The following POLR1C variants were observed in gnomAD, a reference collection of about 807,000 sequenced individuals.
The protein encoded by POLR1C is DNA-directed RNA polymerases I and III subunit RPAC1.
POLR1C carries 42 observed loss-of-function variants against 38.3 expected under a neutral mutation model. The ratio of observed to expected loss-of-function variants is 1.10; its 90% CI spans 0.86 to 1.42. The LOEUF is 1.42. Ranked by LOEUF, POLR1C falls within the 40% of genes most tolerant of loss-of-function variation. The pLI, the probability that POLR1C is intolerant of heterozygous loss-of-function variation, is 0.00. For missense variants in POLR1C, 507 were observed against 450.5 expected, an observed-to-expected ratio of 1.13 and a Z score of -1.14; for synonymous variants, 163 against 163.9, an observed-to-expected ratio of 0.99 and a Z score of 0.04.
At chr6:43,535,092 A>G (rs1270421218) in intron 9 of POLR1C, among the ~76,000 whole-genome samples, 6 of 151,724 alleles carry the variant, frequency 4.0e-5, no homozygotes, top group African/African-American at 7.3e-5. Context: ...TGAGATCGAG[A>G]CTATCCTGGC....
downstream of POLR1C, among the ~76,000 whole-genome samples, chr6:43,534,457 G>C (rs117187824): frequency 1.2e-3 from 189 of 152,244 alleles, 4 homozygotes; most frequent in East Asian, 0.033. Context: ...ACAGCTGTTT[G>C]GACCTGATAG....
At chr6:43,534,716 G>C (rs1288745090) in intron 9 of POLR1C, among the ~76,000 whole-genome samples, 1 of 152,192 alleles carries the variant, frequency 6.6e-6, no homozygotes, top group African/African-American at 2.4e-5. Context: ...AGTCATTCTA[G>C]GCTGGGCTCG....
intron 9 of POLR1C, among the ~76,000 whole-genome samples, chr6:43,545,305 A>C (rs954530137): frequency 6.6e-6 from 1 of 152,146 alleles, no homozygotes; most frequent in Non-Finnish European, 1.5e-5. Flanking sequence ...TTCCCAGGAG[A>C]GTTTCACTGC....
chr6:43,549,348 G>A (rs971533208), intron 9 of POLR1C: 1 of 773,882 alleles, frequency 1.3e-6, no homozygotes, highest in Non-Finnish European at 2.0e-6. Context: ...ACAGGTGTGA[G>A]CCACCATGCC....
chr6:43,529,232 TCTC>T lies in POLR1C; in HGVS notation c.923-14_923-12del, dbSNP rs769945909. ...CTTGTAACAAACTCTCCTTCACCAT[TCTC>T]CTTATAATTTCAGGTAAGAAAGATT... On this transcript the variant is annotated splice_polypyrimidine_tract_variant and intron_variant, in intron 8 of 8. Coordinates refer to the POLR1C transcript ENST00000304004. The T allele has an allele frequency of 2.3e-5, 32 of 1,397,082 alleles. No individual in the cohort carries two copies. In the African/African-American group the frequency reaches 3.6e-4, roughly 16 times the overall value. The allele number at this position is 1,397,082 out of a possible 1,614,324, so 86.5% of individuals were successfully genotyped here. A position where few individuals can be genotyped will look rare whatever the true frequency, so the allele number is the denominator to read the frequency against.
downstream of POLR1C, chr6:43,533,841 A>G: frequency 7.9e-7 from 1 of 1,271,762 alleles, no homozygotes; most frequent in Non-Finnish European, 1.1e-6. Flanking sequence ...TTAAAAAACA[A>G]CAAAAAAAGG....
At chr6:43,526,074 G>T, downstream of POLR1C, 1 of 691,274 alleles carries the variant, frequency 1.4e-6, no homozygotes, top group Non-Finnish European at 2.4e-6. Flanking sequence ...TCCACATAAT[G>T]CCCATGCCCA....
At chr6:43,518,068 T>A (rs113016688) in intron 2 of POLR1C, among the ~76,000 whole-genome samples, 2,799 of 152,178 alleles carry the variant, frequency 0.018, 35 homozygotes, top group South Asian at 0.039. Flanking sequence ...TCCGGGCATG[T>A]CCAAGTAGTT....
At chr6:43,535,707 G>A (rs558862822) in intron 9 of POLR1C, among the ~76,000 whole-genome samples, 3 of 151,792 alleles carry the variant, frequency 2.0e-5, no homozygotes, top group African/African-American at 7.3e-5. Flanking sequence ...CCAGCTACTC[G>A]GAAGGCTGAG....
At chr6:43,546,770 T>C (rs771317100) in intron 9 of POLR1C, 11 of 1,505,498 alleles carry the variant, frequency 7.3e-6, no homozygotes, top group Non-Finnish European at 8.0e-6. Flanking sequence ...AAAATAAGAA[T>C]GACAGATAAA....
downstream of POLR1C, among the ~76,000 whole-genome samples, chr6:43,530,018 G>A (rs1198667329): frequency 6.6e-6 from 1 of 152,174 alleles, no homozygotes; most frequent in Non-Finnish European, 1.5e-5. Flanking sequence ...ACTTTGGGAG[G>A]CTGAGGCAGG....
At chr6:43,524,417 A>G (rs1166451451), downstream of POLR1C, 5 of 1,583,850 alleles carry the variant, frequency 3.2e-6, no homozygotes, top group African/African-American at 1.4e-5. Flanking sequence ...TGGTTTGCCC[A>G]TACACATGAT....
intron 9 of POLR1C, among the ~76,000 whole-genome samples, chr6:43,538,082 C>CAAA (rs1217531011): frequency 1.7e-4 from 6 of 36,128 alleles, no homozygotes; most frequent in African/African-American, 4.8e-4. Flanking sequence ...AAGATGGTCT[C>CAAA]AAAAAAAAAA....
intron 9 of POLR1C, among the ~76,000 whole-genome samples, chr6:43,541,669 T>TATGG (rs770140739): frequency 8.7e-4 from 132 of 152,246 alleles, no homozygotes; most frequent in Non-Finnish European, 1.3e-3. Context: ...TCATACAACA[T>TATGG]ATGGCCTTTT....
At chr6:43,529,784 G>A (rs1004451023), downstream of POLR1C, among the ~76,000 whole-genome samples, 1 of 151,664 alleles carries the variant, frequency 6.6e-6, no homozygotes, top group African/African-American at 2.4e-5. Context: ...AGCTGGGTGT[G>A]GTGGTGCGCA....
intron 9 of POLR1C, among the ~76,000 whole-genome samples, chr6:43,538,296 C>T (rs1008124202): frequency 1.5e-4 from 22 of 151,458 alleles, no homozygotes; most frequent in African/African-American, 3.6e-4. Context: ...ACTACAGGTG[C>T]GCACCACCAC....
intron 10 of POLR1C, chr6:43,551,256 G>A: frequency 7.2e-6 from 11 of 1,522,352 alleles, no homozygotes; most frequent in Non-Finnish European, 9.7e-6. Flanking sequence ...AATTAACTTA[G>A]AAATGTCAAA....
At chr6:43,527,385 C>T (rs889521468) in intron 8 of POLR1C, 2 of 324,442 alleles carry the variant, frequency 6.2e-6, no homozygotes, top group African/African-American at 4.3e-5. Flanking sequence ...GATTCTCCTA[C>T]CTCAGCCTCC....
At chr6:43,541,050 A>C (rs984158501) in intron 9 of POLR1C, among the ~76,000 whole-genome samples, 3 of 152,166 alleles carry the variant, frequency 2.0e-5, no homozygotes, top group Non-Finnish European at 4.4e-5. Flanking sequence ...TAAAAATTTA[A>C]ACAATTCGAC....
Sources: gnomAD v4.1 joint callset for allele counts (sites outside exome capture counted in the v4.1 genomes callset) on GRCh38, gnomAD v4.1.1 for gene constraint, MANE v1.5 for transcripts, NCBI Gene and HGNC (gene_info 2026-07-23, HGNC 2026-07-21) for gene names.